The following P2RX6 variants were observed in gnomAD, a reference collection of about 807,000 sequenced individuals.
The protein encoded by P2RX6 is purinergic receptor P2X 6, also known as P2X purinoceptor 6.
In P2RX6, 62 loss-of-function variants were observed where a neutral mutation model predicts 54.2. The ratio of observed to expected loss-of-function variants is 1.14; its 90% CI spans 0.93 to 1.41. The LOEUF is 1.41. P2RX6 is among the 40% of genes most tolerant of loss of function. The pLI is 0.00. For missense variants in P2RX6, 541 were observed against 566.3 expected (o/e 0.96, Z 0.45); for synonymous variants, 211 against 231.9 (o/e 0.91, Z 0.82).
rs556277237 is a variant in P2RX6 at position 21,026,527 on chromosome 22, G to C, written c.1236G>C (p.Thr412=). 24 of 1,590,616 alleles carry C rather than the reference G, an allele frequency of 1.5e-5. No homozygotes were observed. The East Asian group carries it at 5.1e-4, about 34-fold the overall frequency. ...CLRRSSAPAP[T]ATAAGSQTQT... ...GACGGAGCTCAGCACCTGCACCCACGGCCACTGCTGCTGGGAGTCAGACAC... is the reference window on the plus strand; with the variant it reads ...GACGGAGCTCAGCACCTGCACCCACCGCCACTGCTGCTGGGAGTCAGACAC... The change falls in exon 12 of 12, where the codon ACG becomes ACC. Residue 412 remains threonine, a synonymous_variant. Coordinates refer to ENST00000413302, the MANE Select transcript of P2RX6 (RefSeq NM_005446.5). This position sits in a 1 kb window ranked among gnomAD's most constrained non-coding sequence, Gnocchi z 4.0.
At position 21,026,858 on chromosome 22, in the gene P2RX6, C is replaced by G; in HGVS notation, c.*241C>G. On this transcript the variant is annotated 3_prime_UTR_variant, in exon 12 of 12. Transcript: ENST00000413302. The surrounding 1 kb of genome is among the most constrained non-coding windows in gnomAD (Gnocchi z 4.0). Reference sequence around the variant, plus strand: ...GAGACTGGGAGAGCCCAGCAGGCACCTGTATTGCAGGGCTCCGACTGCATG... The same window carrying G: ...GAGACTGGGAGAGCCCAGCAGGCACGTGTATTGCAGGGCTCCGACTGCATG... 1 of 769,392 alleles carries G rather than the reference C, an allele frequency of 1.3e-6. No homozygotes were observed. The highest frequency in any genetic ancestry group is 2.0e-6 in the Non-Finnish European group (1 of 498,894). The allele number at this position is 769,392 out of a possible 1,614,324, so 47.7% of individuals were successfully genotyped here.
Position 21,022,973 on chromosome 22 carries a change from T to C in P2RX6, c.495T>C (p.Asn165=). The C allele has an allele frequency of 6.2e-7, 1 of 1,613,902 alleles. No homozygotes were observed. The highest frequency in any genetic ancestry group is 8.5e-7 in the Non-Finnish European group (1 of 1,179,800). ...AAACAGGCCAGTGTGTGGTGTTCAA[T>C]GGGACCCACAGGACCTGTGAGATCT... The part of the protein sequence containing the change: ...GVKTGQCVVF[N]GTHRTCEIWS... The change falls in exon 5 of 12, where the codon AAT becomes AAC. Residue 165 remains asparagine (N), a synonymous_variant. Transcript: ENST00000413302.
At chr22:21,024,938 T>C (rs1444001169) in intron 8 of P2RX6, among the ~76,000 whole-genome samples, 9 of 144,854 alleles carry the variant, frequency 6.2e-5, no homozygotes, top group African/African-American at 1.5e-4. Context: ...TGGAGTGCAG[T>C]GGCCCGATCT....
upstream of P2RX6, chr22:21,012,551 G>A: frequency 1.6e-6 from 1 of 619,886 alleles, no homozygotes; most frequent in Non-Finnish European, 3.0e-6. Flanking sequence ...CTTTTGCTCA[G>A]GGCACCTGCC....
intron 3 of P2RX6, among the ~76,000 whole-genome samples, chr22:21,020,601 T>C (rs1238146600): frequency 1.4e-5 from 2 of 145,804 alleles, no homozygotes; most frequent in African/African-American, 2.5e-5. Context: ...TTTCTTTTTT[T>C]TTTTTTTGAG....
In P2RX6 at chr22:21,027,540, C is replaced by T. The variant is rs1928662260; in HGVS notation, c.*923C>T. On this transcript the variant is annotated 3_prime_UTR_variant, in exon 12 of 12. Coordinates refer to ENST00000413302, the MANE Select transcript of P2RX6 (RefSeq NM_005446.5). Reference sequence around the variant, plus strand: ...TCTGGGCAGCTGCTCGAGGGAGGCCCTGGCTCTGATCCCAGGCTGGATGGA... The same window carrying T: ...TCTGGGCAGCTGCTCGAGGGAGGCCTTGGCTCTGATCCCAGGCTGGATGGA... 6.6e-6 allele frequency: 1 copy of T among 152,358 alleles called. No homozygotes were observed. Among genetic ancestry groups the T allele is most frequent in the Non-Finnish European group, 1.5e-5 (1 of 68,230 alleles). 9.4% of individuals were successfully genotyped at this position (152,358 alleles called of 1,614,324 possible). A position where few individuals can be genotyped will look rare whatever the true frequency, so the allele number is the denominator to read the frequency against.
upstream of P2RX6, among the ~76,000 whole-genome samples, chr22:21,012,195 C>A (rs578053570): frequency 1.3e-5 from 2 of 152,324 alleles, no homozygotes; most frequent in African/African-American, 2.4e-5. Flanking sequence ...TTCCCCGCCC[C>A]CAACTCTCTG....
chr22:21,023,592 G>A lies in P2RX6; in HGVS notation c.864G>A (p.Gln288=), dbSNP rs1927874938. 1 of 1,611,568 alleles carries A rather than the reference G, an allele frequency of 6.2e-7. No individual in the cohort carries two copies. Among genetic ancestry groups the A allele is most frequent in the Admixed American group, 1.7e-5 (1 of 59,638 alleles). ...DSGCWPHYSF[Q]LQEKSYNFRT... ...GCTGCTGGCCTCACTACTCCTTCCAGCTGCAGGAGAAGAGCTACAACTTCA... is the reference window on the plus strand; with the variant it reads ...GCTGCTGGCCTCACTACTCCTTCCAACTGCAGGAGAAGAGCTACAACTTCA... The change falls in exon 8 of 12, where the codon CAG becomes CAA. Residue 288 remains glutamine (Q), a synonymous_variant. Transcript: ENST00000413302.
At chr22:21,011,290 C>T (rs1259511848), upstream of P2RX6, 5 of 564,688 alleles carry the variant, frequency 8.9e-6, no homozygotes, top group Non-Finnish European at 1.6e-5. Context: ...GCACATGCTC[C>T]CTGGCGATGT....
chr22:21,019,669 A>T (rs1927023208), intron 3 of P2RX6, among the ~76,000 whole-genome samples: 1 of 152,248 alleles, frequency 6.6e-6, no homozygotes, highest in South Asian at 2.1e-4. Flanking sequence ...ACACACATAA[A>T]TATAGAGGTG....
At chr22:21,011,407 T>C, upstream of P2RX6, 1 of 661,994 alleles carries the variant, frequency 1.5e-6, no homozygotes, top group Admixed American at 2.2e-5. Context: ...CAGCTGGTTG[T>C]AGCTCAGGTC....
In P2RX6 at chr22:21,022,711, C is replaced by G; in HGVS notation, c.423C>G (p.Asp141Glu). 1 of 1,577,570 alleles carries G rather than the reference C, an allele frequency of 6.3e-7. No individual in the cohort carries two copies. The highest frequency in any genetic ancestry group is 8.6e-7 in the Non-Finnish European group (1 of 1,163,134). ...TCCCACTGGCTAACTGCTGGGTCGA[C>G]GAGGACTGCCCCGAAGGGGAGGGAG... is the stretch of plus-strand genomic sequence containing the variant. ...PSVPLANCWV[D>E]EDCPEGEGGT... Residue 141 changes from aspartate (D) to glutamate (E), a missense_variant, in exon 4 of 12, where the codon GAC (aspartate) becomes GAG (glutamate). Transcript: ENST00000413302.
intron 2 of P2RX6, 78 bp from the exon 3 acceptor site, chr22:21,017,911 C>A: frequency 1.1e-6 from 1 of 875,200 alleles, no homozygotes; most frequent in Non-Finnish European, 1.9e-6. Context: ...TCCCTTCCCT[C>A]ATAAACCAGG....
At chr22:21,017,348 A>C (rs959894565) in intron 2 of P2RX6, among the ~76,000 whole-genome samples, 1 of 152,122 alleles carries the variant, frequency 6.6e-6, no homozygotes, top group Non-Finnish European at 1.5e-5. Flanking sequence ...CAGTGCTCTC[A>C]CGAGCAGCAC....
intron 3 of P2RX6, 36 bp from the exon 4 acceptor site, chr22:21,022,640 C>T: frequency 1.4e-6 from 2 of 1,454,008 alleles, no homozygotes; most frequent in East Asian, 2.4e-5. Flanking sequence ...GAGACATCCC[C>T]TGTGCCATTG....
chr22:21,013,505 C>T (rs924278548), upstream of P2RX6, among the ~76,000 whole-genome samples: 16 of 152,176 alleles, frequency 1.1e-4, no homozygotes, highest in African/African-American at 3.6e-4. Flanking sequence ...GGAGGCTCAC[C>T]AGAGTGCAGA....
At chr22:21,011,942 G>C (rs75782527), upstream of P2RX6, among the ~76,000 whole-genome samples, 8,452 of 152,236 alleles carry the variant, frequency 0.056, 555 homozygotes, top group East Asian at 0.19. Context: ...TGCCAGGATT[G>C]GCAATAATAG....
In P2RX6 at chr22:21,024,863, G is replaced by A. The variant is rs1928115752; in HGVS notation, c.891-942G>A. On this transcript the variant is annotated intron_variant, in intron 8 of 11. Transcript: ENST00000413302. ...TGGGATTACAGGCATGAGCCACCAA[G>A]CCTGTTTTTTTTGTGTTTTTTTTTT... 2.1e-5 allele frequency among the ~76,000 whole-genome samples: 3 copies of A among 142,312 alleles called. No individual in the cohort carries two copies. The South Asian group carries it at 6.8e-4, about 32-fold the overall frequency. The allele number at this position is 142,312 out of a possible 152,430, so 93.4% of individuals were successfully genotyped here.
At chr22:21,015,462 T>C (rs545966290) in intron 1 of P2RX6, 124 bp downstream of exon 1, 3 of 1,084,686 alleles carry the variant, frequency 2.8e-6, no homozygotes, top group East Asian at 5.6e-5. Context: ...AGGGGGCAGA[T>C]TGGGACGGGG....
Sources: allele counts gnomAD v4.1 joint callset (sites outside exome capture counted in the v4.1 genomes callset), GRCh38; gene constraint gnomAD v4.1.1; non-coding constraint Gnocchi (gnomAD v3.1); transcripts MANE v1.5; gene names NCBI Gene and HGNC (gene_info 2026-07-23, HGNC 2026-07-21).